The following SPOCK1 variants were observed in gnomAD, a reference collection of about 807,000 sequenced individuals.
SPOCK1 encodes the protein testican-1.
In SPOCK1, 23 loss-of-function variants were observed where a neutral mutation model predicts 55.3. That is an observed-to-expected ratio of 0.42 (90% CI 0.30 to 0.59). The LOEUF (loss-of-function observed/expected upper bound fraction) is 0.59. Among genes scored for constraint, SPOCK1 ranks in the 20% least tolerant of loss-of-function variants. The pLI is 0.22. For synonymous variants in SPOCK1, 226 were observed against 221.0 expected (o/e 1.02, Z -0.20); for missense variants, 499 against 552.5 (o/e 0.90, Z 0.97).
At chr5:137,015,732 C>A (rs999981300) in intron 6 of SPOCK1, among the ~76,000 whole-genome samples, 1 of 152,170 alleles carries the variant, frequency 6.6e-6, no homozygotes, top group Non-Finnish European at 1.5e-5. Flanking sequence ...TGCCCTTCTG[C>A]ATGCAAATCC....
chr5:137,457,191 C>T (rs185977677), intron 2 of SPOCK1, among the ~76,000 whole-genome samples: 1 of 152,288 alleles, frequency 6.6e-6, no homozygotes, highest in East Asian at 1.9e-4. Context: ...CACACATACA[C>T]AGATACCTGC....
intron 3 of SPOCK1, among the ~76,000 whole-genome samples, chr5:137,239,837 G>A (rs903734512): frequency 3.3e-5 from 5 of 152,068 alleles, no homozygotes; most frequent in African/African-American, 1.2e-4. Context: ...GCCTAAAAAG[G>A]TATAAAAATG....
intron 2 of SPOCK1, among the ~76,000 whole-genome samples, chr5:137,483,514 G>A (rs192311523): frequency 7.9e-5 from 12 of 152,134 alleles, no homozygotes; most frequent in African/African-American, 2.7e-4. Context: ...GAGAGTACCT[G>A]GCACATGTAT....
At chr5:137,075,540 C>G (rs1013571081) in intron 5 of SPOCK1, among the ~76,000 whole-genome samples, 23 of 152,254 alleles carry the variant, frequency 1.5e-4, no homozygotes, top group African/African-American at 5.5e-4. Context: ...TAGCTTTGCT[C>G]ATTTTCTTAC....
chr5:137,142,580 T>C (rs1024533393), intron 3 of SPOCK1, among the ~76,000 whole-genome samples: 1 of 152,178 alleles, frequency 6.6e-6, no homozygotes, highest in African/African-American at 2.4e-5. Context: ...CTCTGATACT[T>C]GGAGCTTAGC....
At chr5:137,032,887 C>T (rs1367047111) in intron 6 of SPOCK1, among the ~76,000 whole-genome samples, 1 of 151,646 alleles carries the variant, frequency 6.6e-6, no homozygotes, top group Admixed American at 6.6e-5. Flanking sequence ...AAGGAGGGGG[C>T]AACAGGAAAA....
chr5:137,041,008 A>T (rs925686834), intron 6 of SPOCK1, among the ~76,000 whole-genome samples: 5 of 152,208 alleles, frequency 3.3e-5, no homozygotes, highest in African/African-American at 1.2e-4. Flanking sequence ...ATATTTCTTT[A>T]AAAAAATTTT....
intron 5 of SPOCK1, among the ~76,000 whole-genome samples, chr5:137,101,103 A>C (rs913136484): frequency 6.6e-6 from 1 of 152,176 alleles, no homozygotes; most frequent in African/African-American, 2.4e-5. Context: ...AAAAATATGA[A>C]GAAGTCTGAC....
intron 2 of SPOCK1, among the ~76,000 whole-genome samples, chr5:137,496,114 G>T (rs1456550470): frequency 1.3e-5 from 2 of 151,942 alleles, no homozygotes; most frequent in Non-Finnish European, 2.9e-5. Context: ...ACTATCTAAA[G>T]GCAGTATTTC....
chr5:137,290,210 G>T (rs901081488), intron 2 of SPOCK1, among the ~76,000 whole-genome samples: 1 of 151,902 alleles, frequency 6.6e-6, no homozygotes, highest in Non-Finnish European at 1.5e-5. Context: ...ATATCCACCA[G>T]GAATATTAAT....
At chr5:137,097,454 G>C (rs1335691836) in intron 5 of SPOCK1, among the ~76,000 whole-genome samples, 2 of 152,158 alleles carry the variant, frequency 1.3e-5, no homozygotes, top group Admixed American at 6.5e-5. Context: ...CTATTCCCAA[G>C]CTCTAGCAAA....
intron 5 of SPOCK1, among the ~76,000 whole-genome samples, chr5:137,102,974 C>T (rs577069806): frequency 3.9e-5 from 6 of 152,140 alleles, no homozygotes; most frequent in East Asian, 1.9e-4. Flanking sequence ...ATCTACTCTG[C>T]TTTTTGGGTT....
intron 6 of SPOCK1, among the ~76,000 whole-genome samples, chr5:136,997,193 A>G (rs1751059547): frequency 6.6e-6 from 1 of 152,148 alleles, no homozygotes; most frequent in Non-Finnish European, 1.5e-5. Context: ...CCCCAGCCTC[A>G]TATCTGCTTC....
At chr5:137,342,752 G>A (rs1750460609) in intron 2 of SPOCK1, among the ~76,000 whole-genome samples, 1 of 152,244 alleles carries the variant, frequency 6.6e-6, no homozygotes, top group African/African-American at 2.4e-5. Context: ...GGTTGAGGAA[G>A]GAGTCAGAGA....
chr5:137,333,277 T>C (rs947044132), intron 2 of SPOCK1, among the ~76,000 whole-genome samples: 4 of 152,150 alleles, frequency 2.6e-5, no homozygotes, highest in Non-Finnish European at 5.9e-5. Context: ...CTGGATTCTA[T>C]AGGTAAAGGG....
intron 2 of SPOCK1, among the ~76,000 whole-genome samples, chr5:137,427,216 G>T (rs1056282729): frequency 2.0e-5 from 3 of 152,160 alleles, no homozygotes; most frequent in African/African-American, 7.2e-5. Flanking sequence ...CCACTGAGGT[G>T]CTGGGATTTC....
intron 2 of SPOCK1, among the ~76,000 whole-genome samples, chr5:137,403,917 C>T (rs563204336): frequency 6.6e-6 from 1 of 152,218 alleles, no homozygotes; most frequent in South Asian, 2.1e-4. Flanking sequence ...GTGATACGCT[C>T]TGACTTAAAT....
intron 6 of SPOCK1, among the ~76,000 whole-genome samples, chr5:137,040,140 A>T (rs533599212): frequency 3.9e-5 from 6 of 152,328 alleles, no homozygotes; most frequent in African/African-American, 1.4e-4. Context: ...CTAGGTGGTG[A>T]TGCCCGCAGA....
chr5:137,352,295 C>A (rs866998441), intron 2 of SPOCK1, among the ~76,000 whole-genome samples: 1 of 152,204 alleles, frequency 6.6e-6, no homozygotes, highest in Non-Finnish European at 1.5e-5. Flanking sequence ...AACTAAATTT[C>A]ACCCACAAAG....
Sources: allele counts gnomAD v4.1 joint callset (sites outside exome capture counted in the v4.1 genomes callset), GRCh38; gene constraint gnomAD v4.1.1; transcripts MANE v1.5; gene names NCBI Gene and HGNC (gene_info 2026-07-23, HGNC 2026-07-21).